Variants in UHMK1 observed in about 807,000 individuals in gnomAD.
The protein encoded by UHMK1 is serine/threonine-protein kinase Kist.
In UHMK1, 18 loss-of-function variants were observed where a neutral mutation model predicts 44.0. The observed-to-expected ratio is 0.41, with a 90% CI of 0.28 to 0.61. The LOEUF (loss-of-function observed/expected upper bound fraction) is 0.61. UHMK1 is among the 20% of genes least tolerant of loss of function. The pLI, the probability that UHMK1 is intolerant of heterozygous loss-of-function variation, is 0.31. For synonymous variants in UHMK1, 231 were observed against 198.5 expected (o/e 1.16, Z -1.38); for missense variants, 463 against 522.5 (o/e 0.89, Z 1.11).
intron 4 of UHMK1, among the ~76,000 whole-genome samples, chr1:162,507,893 T>C (rs1004070684): frequency 1.3e-5 from 2 of 152,108 alleles, no homozygotes; most frequent in Non-Finnish European, 2.9e-5. Context: ...GCCTCTTTTT[T>C]ATTTTTAAAA....
chr1:162,499,723 A>T (rs1651198495), intron 1 of UHMK1, among the ~76,000 whole-genome samples: 1 of 152,138 alleles, frequency 6.6e-6, no homozygotes, highest in African/African-American at 2.4e-5. Context: ...TAATTGTACC[A>T]TATTTAGTAT....
Position 162,500,144 on chromosome 1 carries a change from G to A in UHMK1, c.458G>A (p.Gly153Asp). 6.2e-7 allele frequency: 1 copy of A among 1,614,182 alleles called. No individual in the cohort carries two copies. The highest frequency in any genetic ancestry group is 8.5e-7 in the Non-Finnish European group (1 of 1,180,038). The change falls in exon 2 of 8, where the codon GGC becomes GAC. Residue 153 changes from glycine (G) to aspartate (D), a missense_variant. Physicochemically the swap from Gly to Asp is moderately conservative, Grantham distance 94 (BLOSUM62 -1). Transcript: ENST00000489294. ...LEALAFLHHE[G>D]YVHADLKPRN... ...GCCCTTGCTTTTCTTCATCATGAGG[G>A]CTATGTCCATGCGGACCTCAAACCA...
In UHMK1 at chr1:162,522,528, A is replaced by G; in HGVS notation, c.1238A>G (p.Tyr413Cys). 1 of 1,614,180 alleles carries G rather than the reference A, an allele frequency of 6.2e-7. No individual in the cohort carries two copies. The highest frequency in any genetic ancestry group is 8.5e-7 in the Non-Finnish European group (1 of 1,180,024). Reference protein sequence around the residue: ...FYPLSAYKRGYLYQTLL With the variant: ...FYPLSAYKRGCLYQTLL ...CCGCTGAGTGCCTACAAGAGGGGAT[A>G]TCTGTATCAAACCTTGCTTTAATCA... The change falls in exon 8 of 8, where the codon TAT becomes TGT. Residue 413 changes from tyrosine to cysteine, a missense_variant. Physicochemically the swap from Tyr to Cys is radical, Grantham distance 194. This residue lies in a region of UHMK1 where 8 missense variants were observed against 20.2 expected (regional missense o/e 0.40). Coordinates refer to ENST00000489294, the MANE Select transcript of UHMK1 (RefSeq NM_175866.5).
At position 162,529,154 on chromosome 1, in the gene UHMK1, GTA is replaced by G. The variant is rs1439231008; in HGVS notation, c.*6605_*6606del. On this transcript the variant is annotated 3_prime_UTR_variant, in exon 8 of 8. Transcript: ENST00000489294. ...TACAATACATAGTGAATAGTTGTCT[GTA>G]ACATTTCTACCAGTTGTTTCAGTAG... 6.6e-6 allele frequency: 1 copy of G among 152,032 alleles called. No homozygotes were observed. Among genetic ancestry groups the G allele is most frequent in the Non-Finnish European group, 1.5e-5 (1 of 67,980 alleles). The allele number at this position is 152,032 out of a possible 1,614,324, so 9.4% of individuals were successfully genotyped here.
At chr1:162,497,666 C>A, upstream of UHMK1, 1 of 723,068 alleles carries the variant, frequency 1.4e-6, no homozygotes, top group Non-Finnish European at 1.9e-6. Context: ...AACACTGGGC[C>A]TGGAATGGTA....
At position 162,523,417 on chromosome 1, in the gene UHMK1, G is replaced by A. The variant is rs1027999672; in HGVS notation, c.*867G>A. 2.6e-5 allele frequency: 4 copies of A among 152,622 alleles called. No homozygotes were observed. The highest frequency in any genetic ancestry group is 7.2e-5 in the African/African-American group (3 of 41,458). The allele number at this position is 152,622 out of a possible 1,614,324, so 9.5% of individuals were successfully genotyped here. A position where few individuals can be genotyped will look rare whatever the true frequency, so the allele number is the denominator to read the frequency against. On this transcript the variant is annotated 3_prime_UTR_variant, in exon 8 of 8. Transcript: ENST00000489294. ...CCTGAGAGGCCCAGAACAAACTGGAGTCTAGCCTGGAGTTAAATTGAGACT... is the reference window on the plus strand; with the variant it reads ...CCTGAGAGGCCCAGAACAAACTGGAATCTAGCCTGGAGTTAAATTGAGACT...
In UHMK1 at chr1:162,498,354, T is replaced by C. The variant is rs2101666632; in HGVS notation, c.268+86T>C. On this transcript the variant is annotated intron_variant, in intron 1 of 7. Transcript: ENST00000489294. ...CTCGCTGTCTGGCGTTCCATCTTCC[T>C]CCCCTTCTGCGGGAGAAGCGGGTTT... The C allele has an allele frequency of 2.1e-6, 3 of 1,462,234 alleles. No individual in the cohort carries two copies. The South Asian group carries it at 4.2e-5, about 20-fold the overall frequency. 90.6% of individuals were successfully genotyped at this position (1,462,234 alleles called of 1,614,324 possible). A position where few individuals can be genotyped will look rare whatever the true frequency, so the allele number is the denominator to read the frequency against.
At chr1:162,513,331 T>C (rs971605787) in intron 6 of UHMK1, among the ~76,000 whole-genome samples, 1 of 152,200 alleles carries the variant, frequency 6.6e-6, no homozygotes, top group African/African-American at 2.4e-5. Flanking sequence ...CAACAACTTC[T>C]ATCTCTCTGG....
intron 3 of UHMK1, 104 bp from the exon 4 acceptor site, chr1:162,503,650 G>A: frequency 1.4e-5 from 8 of 585,630 alleles, no homozygotes; most frequent in South Asian, 5.3e-5. Flanking sequence ...GCTCTCAGAA[G>A]ATAGTGTTTT....
chr1:162,508,993 C>T (rs755296727), intron 4 of UHMK1, among the ~76,000 whole-genome samples: 33 of 152,104 alleles, frequency 2.2e-4, no homozygotes, highest in Non-Finnish European at 4.0e-4. Context: ...CTATGATGCC[C>T]AGGCTGGTTT....
intron 4 of UHMK1, among the ~76,000 whole-genome samples, chr1:162,505,775 T>C (rs1236064109): frequency 1.3e-5 from 2 of 152,204 alleles, no homozygotes; most frequent in Non-Finnish European, 2.9e-5. Context: ...ATGGATCCCT[T>C]GTCTGAGTTA....
intron 7 of UHMK1, among the ~76,000 whole-genome samples, chr1:162,519,698 T>G (rs113275259): frequency 6.6e-5 from 10 of 152,356 alleles, no homozygotes; most frequent in African/African-American, 2.4e-4. Context: ...GAATTTTGGT[T>G]TGCTTTACCT....
intron 3 of UHMK1, among the ~76,000 whole-genome samples, chr1:162,503,279 G>T (rs1343769465): frequency 2.0e-5 from 3 of 152,082 alleles, no homozygotes; most frequent in Non-Finnish European, 4.4e-5. Context: ...TTCTTCTCCA[G>T]AAGTGTGTAA....
Position 162,498,057 on chromosome 1 carries a change from C to A in UHMK1, c.57C>A (p.Phe19Leu). 6.2e-7 allele frequency: 1 copy of A among 1,604,874 alleles called. No individual in the cohort carries two copies. The highest frequency in any genetic ancestry group is 8.5e-7 in the Non-Finnish European group (1 of 1,174,846). ...AGCCGCCGCGTTTTCTGGAGGCCTT[C>A]GGGCGGCTGTGGCAGGTACAGAGCC... ...GAEPPRFLEA[F>L]GRLWQVQSRL... Residue 19 changes from phenylalanine (F) to leucine (L), a missense_variant, in exon 1 of 8, where the codon TTC becomes TTA. By Grantham distance (22) the Phe-to-Leu change is conservative (BLOSUM62 0). This residue lies in a region of UHMK1 where 191 missense variants were observed against 176.0 expected (regional missense o/e 1.09). Coordinates refer to ENST00000489294, the MANE Select transcript of UHMK1 (RefSeq NM_175866.5).
chr1:162,498,157 C>T lies in UHMK1; in HGVS notation c.157C>T (p.Leu53Phe). ...CGNPGSPPGA[L>F]KQFLPPGTTG... ...CAACCCTGGCTCGCCCCCCGGCGCCCTCAAGCAGTTCTTGCCGCCAGGAAC... is the reference window on the plus strand; with the variant it reads ...CAACCCTGGCTCGCCCCCCGGCGCCTTCAAGCAGTTCTTGCCGCCAGGAAC... Residue 53 changes from leucine to phenylalanine, a missense_variant, in exon 1 of 8, where the codon CTC (leucine) becomes TTC (phenylalanine). Transcript: ENST00000489294. The T allele has an allele frequency of 1.9e-6, 3 of 1,613,150 alleles. No individual in the cohort carries two copies. The highest frequency in any genetic ancestry group is 1.1e-5 in the South Asian group (1 of 91,006).
intron 4 of UHMK1, among the ~76,000 whole-genome samples, chr1:162,509,285 A>G (rs1490705438): frequency 6.6e-6 from 1 of 151,538 alleles, no homozygotes; most frequent in Admixed American, 6.6e-5. Context: ...CTCTCCCCTC[A>G]TCCTGCTCAA....
intron 6 of UHMK1, among the ~76,000 whole-genome samples, chr1:162,513,745 C>T (rs1224658177): frequency 1.3e-5 from 2 of 152,110 alleles, no homozygotes; most frequent in Admixed American, 6.6e-5. Context: ...TGTTGGGGAG[C>T]AATCAGTTAA....
At chr1:162,515,464 A>G (rs1651801822) in intron 6 of UHMK1, among the ~76,000 whole-genome samples, 1 of 152,220 alleles carries the variant, frequency 6.6e-6, no homozygotes, top group Non-Finnish European at 1.5e-5. Flanking sequence ...ATTATATGAC[A>G]GTACCTCTTG....
At chr1:162,508,329 C>A (rs1378140634) in intron 4 of UHMK1, among the ~76,000 whole-genome samples, 1 of 151,156 alleles carries the variant, frequency 6.6e-6, no homozygotes, top group African/African-American at 2.4e-5. Flanking sequence ...CCAGGCTAGT[C>A]TGGAACTCCT....
Sources: allele counts gnomAD v4.1 joint callset (sites outside exome capture counted in the v4.1 genomes callset), GRCh38; gene constraint gnomAD v4.1.1; regional missense constraint gnomAD v4.1.1; transcripts MANE v1.5; gene names NCBI Gene and HGNC (gene_info 2026-07-23, HGNC 2026-07-21).